Variants in PCSK9 observed in about 807,000 individuals in gnomAD.
The protein encoded by PCSK9 is proprotein convertase subtilisin/kexin type 9.
PCSK9 carries 57 observed loss-of-function variants against 62.1 expected under a neutral mutation model. The ratio of observed to expected loss-of-function variants is 0.92; its 90% CI spans 0.74 to 1.14. The LOEUF is 1.14. Ranked by LOEUF, PCSK9 falls within the 50% of genes most tolerant of loss-of-function variation. PCSK9 has a pLI of 0.00. For synonymous variants in PCSK9, 387 were observed against 409.4 expected (o/e 0.95, Z 0.66); for missense variants, 870 against 959.8 (o/e 0.91, Z 1.24).
chr1:55,062,787 A>G (rs995912529), intron 11 of PCSK9, among the ~76,000 whole-genome samples: 2 of 152,228 alleles, frequency 1.3e-5, no homozygotes, highest in African/African-American at 4.8e-5. Context: ...AGCTGGGGCC[A>G]TGCAGGGGTC....
chr1:55,057,758 G>A (rs1444341508), intron 7 of PCSK9, among the ~76,000 whole-genome samples: 1 of 152,228 alleles, frequency 6.6e-6, no homozygotes, highest in Non-Finnish European at 1.5e-5. Flanking sequence ...GTCAGAGAAG[G>A]CATCTTGGAG....
chr1:55,058,790 A>G, intron 9 of PCSK9, 143 bp downstream of exon 9: 3 of 1,486,068 alleles, frequency 2.0e-6, no homozygotes, highest in Non-Finnish European at 2.7e-6. Context: ...GTAAGCTTAC[A>G]GGGCTGGCCA....
In PCSK9 at chr1:55,040,544, C is replaced by T. The variant is rs936315415; in HGVS notation, c.207+500C>T. 7.9e-5 allele frequency among the ~76,000 whole-genome samples: 12 copies of T among 152,066 alleles called. No homozygotes were observed. Among genetic ancestry groups the T allele is most frequent in the Non-Finnish European group, 1.6e-4 (11 of 68,026 alleles). On this transcript the variant is annotated intron_variant, in intron 1 of 11. Transcript: ENST00000302118. This position sits in a 1 kb window ranked among gnomAD's most constrained non-coding sequence, Gnocchi z 4.1. Reference sequence around the variant, plus strand: ...TGGAGGGCCTGGAGAGAAGGCCCTACCCGAGACAGGGGCGGGGTGGGAAGG... The same window carrying T: ...TGGAGGGCCTGGAGAGAAGGCCCTATCCGAGACAGGGGCGGGGTGGGAAGG...
chr1:55,054,905 TG>T (rs1334318104), intron 5 of PCSK9, among the ~76,000 whole-genome samples: 1 of 151,674 alleles, frequency 6.6e-6, no homozygotes, highest in Non-Finnish European at 1.5e-5. Context: ...CTCAGGAGGC[TG>T]AGGCAGGAGA....
At chr1:55,045,803 G>C (rs943032372) in intron 2 of PCSK9, among the ~76,000 whole-genome samples, 6 of 151,554 alleles carry the variant, frequency 4.0e-5, no homozygotes, top group Non-Finnish European at 5.9e-5. Flanking sequence ...TCTGCCTCCC[G>C]GGTTCAAGCG....
rs777470856 is a variant in PCSK9, at chr1:55,058,067, G to T, written c.1212G>T (p.Pro404=). Residue 404 remains proline (P), a synonymous_variant, in exon 8 of 12, where the codon CCG becomes CCT. Transcript: ENST00000302118. ...CAGCCATGATGCTGTCTGCCGAGCC[G>T]GAGCTCACCCTGGCCGAGTTGAGGC... ...GIAAMMLSAE[P]ELTLAELRQR... is the part of the protein sequence containing the mutation. 1.9e-6 allele frequency: 3 copies of T among 1,613,690 alleles called. No homozygotes were observed. The highest frequency in any genetic ancestry group is 2.2e-5 in the South Asian group (2 of 91,090).
intron 9 of PCSK9, among the ~76,000 whole-genome samples, chr1:55,058,978 A>G (rs931000526): frequency 2.6e-5 from 4 of 152,222 alleles, no homozygotes; most frequent in Non-Finnish European, 4.4e-5. Context: ...GGACTCAGCC[A>G]TCTCTAGGCC....
At chr1:55,056,389 C>G (rs1208131985) in intron 6 of PCSK9, among the ~76,000 whole-genome samples, 200 bp downstream of exon 6, 1 of 152,162 alleles carries the variant, frequency 6.6e-6, no homozygotes, top group African/African-American at 2.4e-5. Context: ...GGGCTCGAAA[C>G]CTCCATCATC....
At chr1:55,061,069 A>G (rs1457352592) in intron 10 of PCSK9, among the ~76,000 whole-genome samples, 1 of 152,054 alleles carries the variant, frequency 6.6e-6, no homozygotes, top group Non-Finnish European at 1.5e-5. Context: ...GGGGAGTTTG[A>G]GCATCTCAGG....
At position 55,056,772 on chromosome 1, in the gene PCSK9, G is replaced by A. The variant is rs142676213; in HGVS notation, c.997-559G>A. 3.2e-3 allele frequency among the ~76,000 whole-genome samples: 482 copies of A among 152,288 alleles called. 3 individuals carry two copies. The highest frequency in any genetic ancestry group is 0.011 in the African/African-American group (466 of 41,554). On this transcript the variant is annotated intron_variant, in intron 6 of 11. Transcript: ENST00000302118. The stretch of plus-strand genomic sequence containing the variant: ...GGGGGGCAGTGACCGTCCCTCCTCT[G>A]ACCCACCACTCCTCCAGTGTCAGGA...
chr1:55,054,943 T>G (rs1194432490), intron 5 of PCSK9, among the ~76,000 whole-genome samples: 1 of 151,654 alleles, frequency 6.6e-6, no homozygotes, highest in Non-Finnish European at 1.5e-5. Flanking sequence ...AGGCGGAGCT[T>G]GCAGTGAGCC....
Position 55,063,364 on chromosome 1 carries a change from G to C in PCSK9, c.1864-5G>C, listed in dbSNP as rs1644776869. Reference sequence around the variant, plus strand: ...ATGTGCTTTCTTTTCCTCGGGCTCTGGCAGGTGACCGTGGCCTGCGAGGAG... The same window carrying C: ...ATGTGCTTTCTTTTCCTCGGGCTCTCGCAGGTGACCGTGGCCTGCGAGGAG... On this transcript the variant is annotated splice_polypyrimidine_tract_variant and splice_region_variant and intron_variant, in intron 11 of 11. Transcript: ENST00000302118. The C allele has an allele frequency of 6.2e-7, 1 of 1,613,336 alleles. No homozygotes were observed. Among genetic ancestry groups the C allele is most frequent in the Middle Eastern group, 1.7e-4 (1 of 6,012 alleles).
intron 9 of PCSK9, 110 bp from the exon 10 acceptor site, chr1:55,059,376 C>A: frequency 2.9e-6 from 4 of 1,382,116 alleles, no homozygotes; most frequent in Non-Finnish European, 4.0e-6. Context: ...GTCTGGCTGG[C>A]CCCTGGCAGG....
rs267598661 is a variant in PCSK9 at position 55,052,391 on chromosome 1, G to A, written c.637G>A (p.Gly213Arg). The A allele has an allele frequency of 1.4e-5, 22 of 1,613,690 alleles. No individual in the cohort carries two copies. The highest frequency in any genetic ancestry group is 1.7e-5 in the Non-Finnish European group (20 of 1,179,994). The change falls in exon 4 of 12, where the codon GGG (glycine) becomes AGG (arginine). Residue 213 changes from glycine (G) to arginine (R), a missense_variant. Physicochemically the swap from Gly to Arg is moderately radical, Grantham distance 125 (BLOSUM62 -2). Transcript: ENST00000302118. ...TDFENVPEED[G>R]TRFHRQASKC... is the part of the protein sequence containing the mutation. ...CTTCGAGAATGTGCCCGAGGAGGAC[G>A]GGACCCGCTTCCACAGACAGGTAAG... is the stretch of plus-strand genomic sequence containing the variant.
At chr1:55,061,869 T>C (rs1644762900) in intron 11 of PCSK9, among the ~76,000 whole-genome samples, 1 of 152,252 alleles carries the variant, frequency 6.6e-6, no homozygotes. Flanking sequence ...TCTATTTTTT[T>C]CTGAGATGGG....
rs1238501293 is a variant in PCSK9 at position 55,043,923 on chromosome 1, C to A, written c.288C>A (p.Arg96=). ...THLSQSERTA[R]RLQAQAARRG... ...TCTCGCAGTCAGAGCGCACTGCCCG[C>A]CGCCTGCAGGCCCAGGCTGCCCGCC... The change falls in exon 2 of 12, where the codon CGC becomes CGA. Residue 96 remains arginine, a synonymous_variant. Coordinates refer to ENST00000302118, the MANE Select transcript of PCSK9 (RefSeq NM_174936.4). The A allele has an allele frequency of 6.2e-7, 1 of 1,614,202 alleles. No homozygotes were observed. Among genetic ancestry groups the A allele is most frequent in the Non-Finnish European group, 8.5e-7 (1 of 1,180,032 alleles).
rs1644583059 is a variant in PCSK9, at chr1:55,039,746, C to T, written c.-92C>T. 1.4e-6 allele frequency: 2 copies of T among 1,437,372 alleles called. No homozygotes were observed. Among genetic ancestry groups the T allele is most frequent in the Non-Finnish European group, 1.9e-6 (2 of 1,044,576 alleles). 89.0% of individuals were successfully genotyped at this position (1,437,372 alleles called of 1,614,324 possible). A position where few individuals can be genotyped will look rare whatever the true frequency, so the allele number is the denominator to read the frequency against. On this transcript the variant is annotated 5_prime_UTR_variant, in exon 1 of 12. Transcript: ENST00000302118. ...CCTGAACTTCAGCTCCTGCACAGTC[C>T]TCCCCACCGCAAGGCTCAAGGCGCC...
intron 10 of PCSK9, 95 bp from the exon 11 acceptor site, chr1:55,061,280 C>T: frequency 1.5e-6 from 2 of 1,364,346 alleles, no homozygotes; most frequent in African/African-American, 2.9e-5. Flanking sequence ...CTAGCTCTTG[C>T]CTCAGACCTT....
chr1:55,042,310 CAA>C (rs1347659023), intron 1 of PCSK9, among the ~76,000 whole-genome samples: 1 of 152,138 alleles, frequency 6.6e-6, no homozygotes, highest in African/African-American at 2.4e-5. Flanking sequence ...TTACGAAAAC[CAA>C]AAGTTTTTTT....
Sources: gnomAD v4.1 joint callset for allele counts (sites outside exome capture counted in the v4.1 genomes callset) on GRCh38, gnomAD v4.1.1 for gene constraint, Gnocchi (gnomAD v3.1) non-coding constraint, MANE v1.5 for transcripts, NCBI Gene and HGNC (gene_info 2026-07-23, HGNC 2026-07-21) for gene names.